Variants in CRY1 observed in about 807,000 individuals in gnomAD.
CRY1 encodes the protein cryptochrome circadian regulator 1.
In CRY1, 45 loss-of-function variants were observed where a neutral mutation model predicts 76.0. The ratio of observed to expected loss-of-function variants is 0.59; its 90% CI spans 0.47 to 0.76. The LOEUF is 0.76. CRY1 is among the 30% of genes least tolerant of loss of function. The pLI, the probability that CRY1 is intolerant of heterozygous loss-of-function variation, is 0.00. For missense variants in CRY1, 587 were observed against 716.4 expected (o/e 0.82, Z 2.06); for synonymous variants, 248 against 244.0 (o/e 1.02, Z -0.15).
At chr12:107,077,035 T>G (rs1258438621) in intron 1 of CRY1, among the ~76,000 whole-genome samples, 1 of 152,110 alleles carries the variant, frequency 6.6e-6, no homozygotes, top group African/African-American at 2.4e-5. Context: ...CTCTTTTCTT[T>G]ATATATAACT....
At chr12:107,072,722 T>C (rs1027101632) in intron 1 of CRY1, among the ~76,000 whole-genome samples, 7 of 152,238 alleles carry the variant, frequency 4.6e-5, no homozygotes, top group Non-Finnish European at 1.0e-4. Context: ...TGTGCATATA[T>C]GCACATTTAT....
intron 1 of CRY1, among the ~76,000 whole-genome samples, chr12:107,057,085 G>A (rs1952992928): frequency 6.6e-6 from 1 of 152,072 alleles, no homozygotes; most frequent in Admixed American, 6.6e-5. Flanking sequence ...ATAAAAAAAA[G>A]AAAAAATTAA....
At chr12:107,090,249 C>T (rs940702255) in intron 1 of CRY1, among the ~76,000 whole-genome samples, 4 of 152,068 alleles carry the variant, frequency 2.6e-5, no homozygotes, top group African/African-American at 4.8e-5. Context: ...TGCCATACGC[C>T]TATCTAATTT....
At chr12:107,080,077 T>A (rs1953304231) in intron 1 of CRY1, among the ~76,000 whole-genome samples, 1 of 152,108 alleles carries the variant, frequency 6.6e-6, no homozygotes, top group East Asian at 1.9e-4. Flanking sequence ...TCTGAATAAA[T>A]CTTCCTCTGT....
rs1468388855 is a variant in CRY1 at position 107,092,936 on chromosome 12, A to T, written c.26T>A (p.Phe9Tyr). 6.3e-7 allele frequency: 1 copy of T among 1,597,990 alleles called. No individual in the cohort carries two copies. The highest frequency in any genetic ancestry group is 8.5e-7 in the Non-Finnish European group (1 of 1,173,312). ...GTCGTGGAGCCGGAGCCCCTTTCGG[A>T]ACCAGTGCACGGCGTTCACCCCCAT... MGVNAVHWFRKGLRLHDNP... is the reference protein window; with the variant it reads MGVNAVHWYRKGLRLHDNP... The change falls in exon 1 of 13, where the codon TTC becomes TAC. Residue 9 changes from phenylalanine to tyrosine, a missense_variant. Physicochemically the swap from Phe to Tyr is conservative, Grantham distance 22 (BLOSUM62 3). Transcript: ENST00000008527.
chr12:107,042,534 G>A (rs1952809622), intron 1 of CRY1, among the ~76,000 whole-genome samples: 1 of 152,038 alleles, frequency 6.6e-6, no homozygotes, highest in Non-Finnish European at 1.5e-5. Context: ...CTAACTATGA[G>A]AAAATATCAG....
chr12:106,992,702 A>AG (rs1952191595), intron 12 of CRY1, 85 bp downstream of exon 12: 3 of 1,187,304 alleles, frequency 2.5e-6, no homozygotes, highest in Non-Finnish European at 3.6e-6. Context: ...TTGAAAATAG[A>AG]GATTTGCTCC....
intron 1 of CRY1, among the ~76,000 whole-genome samples, chr12:107,052,416 A>G (rs1270719598): frequency 2.0e-5 from 3 of 152,242 alleles, no homozygotes; most frequent in African/African-American, 7.2e-5. Flanking sequence ...ACTAGATATT[A>G]GAAACACACC....
At position 107,088,072 on chromosome 12, in the gene CRY1, C is replaced by T. The variant is rs564061943; in HGVS notation, c.158+4732G>A. On this transcript the variant is annotated intron_variant, in intron 1 of 12. Coordinates refer to ENST00000008527, the MANE Select transcript of CRY1 (RefSeq NM_004075.5). Reference sequence around the variant, plus strand: ...AAATAAAAATAATAAATAAATAAGACAAGATATTTGGGGGGCTAGAAGTGG... The same window carrying T: ...AAATAAAAATAATAAATAAATAAGATAAGATATTTGGGGGGCTAGAAGTGG... Among the ~76,000 whole-genome samples the T allele has an allele frequency of 7.6e-4, 116 of 152,140 alleles. 4 individuals carry two copies. In the South Asian group the frequency reaches 0.023, roughly 30 times the overall value.
chr12:107,060,956 CAG>C (rs1407491857), intron 1 of CRY1, among the ~76,000 whole-genome samples: 6 of 152,070 alleles, frequency 3.9e-5, no homozygotes, highest in African/African-American at 1.4e-4. Context: ...GCCTGGGTGA[CAG>C]AGTGAGACTC....
intron 1 of CRY1, among the ~76,000 whole-genome samples, chr12:107,059,459 C>T (rs556771718): frequency 6.6e-6 from 1 of 152,154 alleles, no homozygotes; most frequent in East Asian, 1.9e-4. Context: ...CGCTATGTTG[C>T]CCAGGCTGGT....
chr12:107,075,566 C>A (rs1408426483), intron 1 of CRY1, among the ~76,000 whole-genome samples: 1 of 152,108 alleles, frequency 6.6e-6, no homozygotes, highest in Non-Finnish European at 1.5e-5. Flanking sequence ...ACAGGAAAGT[C>A]AACTTGAAAT....
intron 1 of CRY1, among the ~76,000 whole-genome samples, chr12:107,054,923 G>A (rs768604450): frequency 2.6e-5 from 4 of 151,994 alleles, no homozygotes; most frequent in East Asian, 1.9e-4. Context: ...AAATGACAGA[G>A]CTTCAAATAA....
chr12:107,041,206 C>CAA (rs531981800), intron 1 of CRY1, among the ~76,000 whole-genome samples: 1 of 139,112 alleles, frequency 7.2e-6, no homozygotes, highest in African/African-American at 2.6e-5. Context: ...ACTCAGGATA[C>CAA]AAAAAAAAAA....
chr12:107,032,238 CTA>C (rs777892320), intron 1 of CRY1, among the ~76,000 whole-genome samples: 339 of 152,126 alleles, frequency 2.2e-3, no homozygotes, highest in Non-Finnish European at 3.9e-3. Context: ...CCGGCCAGTA[CTA>C]TGGTTTCTTA....
chr12:107,071,118 C>G (rs11113180), intron 1 of CRY1, among the ~76,000 whole-genome samples: 6,640 of 152,104 alleles, frequency 0.044, 273 homozygotes, highest in African/African-American at 0.11. Flanking sequence ...CATTTTTATA[C>G]CTTTTATACT....
intron 1 of CRY1, among the ~76,000 whole-genome samples, chr12:107,031,701 A>G (rs1327791723): frequency 1.3e-5 from 2 of 152,096 alleles, no homozygotes; most frequent in Non-Finnish European, 2.9e-5. Context: ...TTAATTATCA[A>G]AAAAAATCAG....
intron 1 of CRY1, among the ~76,000 whole-genome samples, chr12:107,038,168 G>C (rs948206567): frequency 6.6e-6 from 1 of 152,216 alleles, no homozygotes; most frequent in Non-Finnish European, 1.5e-5. Context: ...AATGGTAAAA[G>C]AGTGGGGATC....
intron 2 of CRY1, among the ~76,000 whole-genome samples, chr12:107,008,964 A>G (rs1264024554): frequency 6.6e-6 from 1 of 152,186 alleles, no homozygotes; most frequent in Non-Finnish European, 1.5e-5. Flanking sequence ...TGAGTCAATT[A>G]CATCTCTTTC....
Sources: gnomAD v4.1 joint callset for allele counts (sites outside exome capture counted in the v4.1 genomes callset) on GRCh38, gnomAD v4.1.1 for gene constraint, MANE v1.5 for transcripts, NCBI Gene and HGNC (gene_info 2026-07-23, HGNC 2026-07-21) for gene names.